FAR1: variants seen among roughly 807,000 people sequenced by gnomAD.
The protein encoded by FAR1 is fatty acyl-CoA reductase 1.
In FAR1, 22 loss-of-function variants were observed where a neutral mutation model predicts 61.1. That is an observed-to-expected ratio of 0.36 (90% confidence interval 0.26 to 0.51). FAR1 has a LOEUF of 0.51. Among genes scored for constraint, FAR1 ranks in the 20% least tolerant of loss-of-function variants. FAR1 has a pLI of 0.95. For missense variants in FAR1, 359 were observed against 626.9 expected (o/e 0.57, Z 4.56); for synonymous variants, 206 against 209.7 (o/e 0.98, Z 0.15).
At chr11:13,695,083 A>AG in intron 2 of FAR1, 129 bp downstream of exon 2, 1 of 718,834 alleles carries the variant, frequency 1.4e-6, no homozygotes, top group Non-Finnish European at 2.0e-6. Context: ...AAAAAAACTT[A>AG]GTAAGTTCCT....
At chr11:13,714,785 A>G in intron 9 of FAR1, 105 bp downstream of exon 9, 1 of 1,020,994 alleles carries the variant, frequency 9.8e-7, no homozygotes, top group Non-Finnish European at 1.3e-6. Flanking sequence ...GATAAGGCTT[A>G]ATAGCCTTTT....
chr11:13,711,149 C>T, intron 5 of FAR1: 1 of 374,192 alleles, frequency 2.7e-6, no homozygotes, highest in Non-Finnish European at 4.8e-6. Flanking sequence ...TGGTTTGTTT[C>T]TTAGTAGCAA....
At chr11:13,708,929 G>A (rs1848468964) in intron 4 of FAR1, among the ~76,000 whole-genome samples, 1 of 152,120 alleles carries the variant, frequency 6.6e-6, no homozygotes, top group African/African-American at 2.4e-5. Context: ...TTAAATGAGG[G>A]AGTATATACC....
chr11:13,717,767 A>G (rs1179675759), intron 9 of FAR1, among the ~76,000 whole-genome samples: 3 of 152,250 alleles, frequency 2.0e-5, no homozygotes, highest in Non-Finnish European at 4.4e-5. Context: ...GCCATAGACA[A>G]TAGGCAAATG....
In FAR1 at chr11:13,721,642, T is replaced by C; in HGVS notation, c.1128-88T>C. 2.0e-6 allele frequency: 2 copies of C among 998,812 alleles called. No homozygotes were observed. Among genetic ancestry groups the C allele is most frequent in the Non-Finnish European group, 3.0e-6 (2 of 669,498 alleles). The allele number at this position is 998,812 out of a possible 1,614,324, so 61.9% of individuals were successfully genotyped here. A position where few individuals can be genotyped will look rare whatever the true frequency, so the allele number is the denominator to read the frequency against. On this transcript the variant is annotated intron_variant, in intron 9 of 11. Coordinates refer to ENST00000354817, the MANE Select transcript of FAR1 (RefSeq NM_032228.6). This position sits in a 1 kb window ranked among gnomAD's most constrained non-coding sequence, Gnocchi z 4.2. ...ATAATTTTAATACTAATGTCTATAT[T>C]ATAGGGGGAAACTTGCACCCTGGGT...
At chr11:13,699,573 C>T (rs1371846828) in intron 2 of FAR1, among the ~76,000 whole-genome samples, 1 of 152,080 alleles carries the variant, frequency 6.6e-6, no homozygotes, top group Non-Finnish European at 1.5e-5. Flanking sequence ...AGAGCAGTGA[C>T]CTAGAGGTGG....
intron 1 of FAR1, among the ~76,000 whole-genome samples, chr11:13,671,088 T>A (rs1280625803): frequency 6.6e-6 from 1 of 152,200 alleles, no homozygotes; most frequent in Non-Finnish European, 1.5e-5. Flanking sequence ...GTGATGCTGT[T>A]TACTGTGATC....
Position 13,700,383 on chromosome 11 carries a change from C to G in FAR1, c.256C>G (p.Leu86Val). 6.2e-7 allele frequency: 1 copy of G among 1,602,380 alleles called. No individual in the cohort carries two copies. Among genetic ancestry groups the G allele is most frequent in the Non-Finnish European group, 8.5e-7 (1 of 1,176,138 alleles). ...REKIIAINSELTQPKLALSEE... is the reference protein window; with the variant it reads ...REKIIAINSEVTQPKLALSEE... Reference sequence around the variant, plus strand: ...GAAAATTATAGCAATCAACAGCGAACTCACCCAACCTAAACTGGCTCTCAG... The same window carrying G: ...GAAAATTATAGCAATCAACAGCGAAGTCACCCAACCTAAACTGGCTCTCAG... The change falls in exon 3 of 12, where the codon CTC (leucine) becomes GTC (valine). Residue 86 changes from leucine (L) to valine (V), a missense_variant. By Grantham distance (32) the Leu-to-Val change is conservative. Transcript: ENST00000354817.
At position 13,712,979 on chromosome 11, in the gene FAR1, A is replaced by G; in HGVS notation, c.901A>G (p.Met301Val). Residue 301 changes from methionine (M) to valine (V), a missense_variant, in exon 8 of 12, where the codon ATG becomes GTG. By Grantham distance (21) the Met-to-Val change is conservative. This residue lies in a region of FAR1 where 344 missense variants were observed against 570.3 expected (regional missense o/e 0.60). Transcript: ENST00000354817. ...TTGTCTTTGCAGACCAAGAAACATC[A>G]TGGTGTATAATTGTACAACAGGCAG... ...YSGVNRPRNI[M>V]VYNCTTGSTN... 6.2e-7 allele frequency: 1 copy of G among 1,612,640 alleles called. No homozygotes were observed. The highest frequency in any genetic ancestry group is 8.5e-7 in the Non-Finnish European group (1 of 1,178,948).
At chr11:13,712,615 T>G (rs900746349) in intron 7 of FAR1, among the ~76,000 whole-genome samples, 3 of 152,040 alleles carry the variant, frequency 2.0e-5, no homozygotes, top group Non-Finnish European at 4.4e-5. Context: ...GGAAACTTAG[T>G]CCATAATTTT....
At chr11:13,707,295 A>G (rs1428280477) in intron 3 of FAR1, among the ~76,000 whole-genome samples, 3 of 152,194 alleles carry the variant, frequency 2.0e-5, no homozygotes, top group Non-Finnish European at 4.4e-5. Flanking sequence ...GGTCTTGCAT[A>G]TGCCTTGTAA....
chr11:13,670,156 TCCTC>T (rs1456350339), intron 1 of FAR1: 1 of 152,090 alleles, frequency 6.6e-6, no homozygotes, highest in East Asian at 1.9e-4. Context: ...AGCCTCAAAC[TCCTC>T]GGCCCAAGAG....
chr11:13,728,092 A>G (rs1848685026), intron 11 of FAR1, among the ~76,000 whole-genome samples: 1 of 151,892 alleles, frequency 6.6e-6, no homozygotes, highest in South Asian at 2.1e-4. Flanking sequence ...TGAGGTCAGT[A>G]TAATTTATGT....
intron 1 of FAR1, among the ~76,000 whole-genome samples, chr11:13,689,666 C>G (rs1256439027): frequency 6.6e-6 from 1 of 152,066 alleles, no homozygotes; most frequent in African/African-American, 2.4e-5. Context: ...AGTGGAATTG[C>G]TAGGTCCTAT....
intron 9 of FAR1, among the ~76,000 whole-genome samples, chr11:13,719,166 C>G (rs902681191): frequency 6.6e-6 from 1 of 152,140 alleles, no homozygotes; most frequent in Non-Finnish European, 1.5e-5. Flanking sequence ...GAGATAATAT[C>G]ATAGGCACCT....
intron 9 of FAR1, among the ~76,000 whole-genome samples, chr11:13,715,019 A>C (rs1848539887): frequency 6.6e-6 from 1 of 152,188 alleles, no homozygotes; most frequent in Non-Finnish European, 1.5e-5. Flanking sequence ...CTTTAAACCA[A>C]GTATTCAGGT....
chr11:13,724,755 T>C (rs1443898804), intron 10 of FAR1, among the ~76,000 whole-genome samples: 1 of 152,202 alleles, frequency 6.6e-6, no homozygotes, highest in African/African-American at 2.4e-5. Flanking sequence ...CTTTCTGTTT[T>C]TTCATACTGA....
intron 7 of FAR1, 49 bp downstream of exon 7, chr11:13,712,095 G>C: frequency 8.1e-7 from 1 of 1,242,170 alleles, no homozygotes; most frequent in Non-Finnish European, 1.2e-6. Flanking sequence ...AACTGAAAAG[G>C]GAAGACATAG....
intron 4 of FAR1, among the ~76,000 whole-genome samples, chr11:13,708,974 T>C (rs958343602): frequency 1.3e-5 from 2 of 152,206 alleles, no homozygotes; most frequent in Non-Finnish European, 2.9e-5. Context: ...GCTCAGGCTT[T>C]CTCATCAAAC....
Sources: gnomAD v4.1 joint callset for allele counts (sites outside exome capture counted in the v4.1 genomes callset) on GRCh38, gnomAD v4.1.1 for gene constraint, gnomAD v4.1.1 regional missense constraint, Gnocchi (gnomAD v3.1) non-coding constraint, MANE v1.5 for transcripts, NCBI Gene and HGNC (gene_info 2026-07-23, HGNC 2026-07-21) for gene names.